STAT4: variants seen among roughly 807,000 people sequenced by gnomAD.
The protein encoded by STAT4 is signal transducer and activator of transcription 4.
STAT4 carries 42 observed loss-of-function variants against 110.5 expected under a neutral mutation model. That is an observed-to-expected ratio of 0.38 (90% CI 0.30 to 0.49). The LOEUF (loss-of-function observed/expected upper bound fraction) is 0.49, where lower values mean the gene tolerates loss of function less well. Among genes scored for constraint, STAT4 ranks in the 20% least tolerant of loss-of-function variants. The pLI, the probability that STAT4 is intolerant of heterozygous loss-of-function variation, is 0.95. For synonymous variants in STAT4, 284 were observed against 302.2 expected (o/e 0.94, Z 0.63); for missense variants, 632 against 887.9 (o/e 0.71, Z 3.66).
At position 191,131,495 on chromosome 2, in the gene STAT4, T is replaced by C. The variant is rs535255432; in HGVS notation, c.273+15118A>G. The C allele has an allele frequency of 2.1e-3, 413 of 195,262 alleles. 4 individuals carry two copies. Among genetic ancestry groups the C allele is most frequent in the Middle Eastern group, 0.011 (6 of 538 alleles). The allele number at this position is 195,262 out of a possible 1,614,324, so 12.1% of individuals were successfully genotyped here. On this transcript the variant is annotated intron_variant, in intron 3 of 23. Coordinates refer to ENST00000392320, the MANE Select transcript of STAT4 (RefSeq NM_003151.4). Reference sequence around the variant, plus strand: ...AATATAGTGTGATCTCACTCGTGGATTTAGCAGCTTTCAAACCTAGACACT... The same window carrying C: ...AATATAGTGTGATCTCACTCGTGGACTTAGCAGCTTTCAAACCTAGACACT...
At chr2:191,073,653 G>A (rs1697229414) in intron 4 of STAT4, among the ~76,000 whole-genome samples, 1 of 152,272 alleles carries the variant, frequency 6.6e-6, no homozygotes, top group South Asian at 2.1e-4. Context: ...TCGTGCCACT[G>A]CGCTCCAGCC....
chr2:191,087,093 C>A (rs1697654826), intron 3 of STAT4, among the ~76,000 whole-genome samples: 1 of 152,090 alleles, frequency 6.6e-6, no homozygotes, highest in Non-Finnish European at 1.5e-5. Flanking sequence ...AATATAGAAG[C>A]CTAACCCATC....
Position 191,058,330 on chromosome 2 carries a change from C to T in STAT4, c.1095-111G>A. 2 of 1,189,018 alleles carry T rather than the reference C, an allele frequency of 1.7e-6. No homozygotes were observed. The highest frequency in any genetic ancestry group is 2.4e-6 in the Non-Finnish European group (2 of 849,918). 73.7% of individuals were successfully genotyped at this position (1,189,018 alleles called of 1,614,324 possible). On this transcript the variant is annotated intron_variant, in intron 11 of 23. Coordinates refer to ENST00000392320, the MANE Select transcript of STAT4 (RefSeq NM_003151.4). The surrounding 1 kb of genome is among the most constrained non-coding windows in gnomAD (Gnocchi z 4.3). ...TTATTTATTTTGAGACAGAGTCTCG[C>T]TCTGTCGTCCAGGCTGGAGTGCAGT...
At chr2:191,067,607 T>A in intron 6 of STAT4, among the ~76,000 whole-genome samples, 1 of 152,154 alleles carries the variant, frequency 6.6e-6, no homozygotes, top group Non-Finnish European at 1.5e-5. Context: ...ATTTCCAATC[T>A]CCCTTTCCCT....
At position 191,116,052 on chromosome 2, in the gene STAT4, A is replaced by C. The variant is rs1250004130; in HGVS notation, c.273+30561T>G. ...TGAAATGAACATTATGACCACAGAA[A>C]AAACTTAGAATGTGTTGGATTGTCA... On this transcript the variant is annotated intron_variant, in intron 3 of 23. Transcript: ENST00000392320. This position sits in a 1 kb window ranked among gnomAD's most constrained non-coding sequence, Gnocchi z 4.1. 1.3e-5 allele frequency among the ~76,000 whole-genome samples: 2 copies of C among 152,184 alleles called. No individual in the cohort carries two copies. The highest frequency in any genetic ancestry group is 4.8e-5 in the African/African-American group (2 of 41,440).
chr2:191,057,339 A>C (rs1409676901), intron 13 of STAT4, among the ~76,000 whole-genome samples: 2 of 152,210 alleles, frequency 1.3e-5, no homozygotes, highest in African/African-American at 2.4e-5. Flanking sequence ...TGCGTATGAC[A>C]CAATTTCATT....
At chr2:191,087,246 T>C (rs1220959381) in intron 3 of STAT4, among the ~76,000 whole-genome samples, 1 of 152,326 alleles carries the variant, frequency 6.6e-6, no homozygotes, top group East Asian at 1.9e-4. Context: ...TTTCACTCCA[T>C]TGTCTGTCTC....
Position 191,142,806 on chromosome 2 carries a change from G to A in STAT4, c.273+3807C>T, listed in dbSNP as rs985410900. ...GAGTGAAAAGATCGGTAGTGTTCAG[G>A]GGCTCCGTGGGAAGCGAGAGAAGGA... On this transcript the variant is annotated intron_variant, in intron 3 of 23. Coordinates refer to ENST00000392320, the MANE Select transcript of STAT4 (RefSeq NM_003151.4). The surrounding 1 kb of genome is among the most constrained non-coding windows in gnomAD (Gnocchi z 4.1). Among the ~76,000 whole-genome samples the A allele has an allele frequency of 6.6e-6, 1 of 152,106 alleles. No individual in the cohort carries two copies. Among genetic ancestry groups the A allele is most frequent in the African/African-American group, 2.4e-5 (1 of 41,422 alleles).
intron 3 of STAT4, among the ~76,000 whole-genome samples, chr2:191,136,193 C>A (rs7566274): frequency 0.58 from 88,469 of 151,896 alleles, 26,321 homozygotes; most frequent in Admixed American, 0.65. Flanking sequence ...ATTCAATGTC[C>A]TTCATGACCA....
intron 5 of STAT4, among the ~76,000 whole-genome samples, chr2:191,070,337 G>A (rs905313465): frequency 1.3e-5 from 2 of 152,072 alleles, no homozygotes; most frequent in East Asian, 3.9e-4. Context: ...AATAGTAAAT[G>A]TCAAGATCTG....
chr2:191,065,588 C>T (rs1696966123), intron 7 of STAT4, among the ~76,000 whole-genome samples: 1 of 151,868 alleles, frequency 6.6e-6, no homozygotes, highest in Non-Finnish European at 1.5e-5. Flanking sequence ...AAATGTTATT[C>T]CTAAAGTAGA....
At chr2:191,128,973 C>T (rs975461205) in intron 3 of STAT4, among the ~76,000 whole-genome samples, 2 of 152,110 alleles carry the variant, frequency 1.3e-5, no homozygotes, top group Non-Finnish European at 2.9e-5. Flanking sequence ...TTTTACAGTA[C>T]CTCCTAACTG....
chr2:191,117,576 G>A lies in STAT4; in HGVS notation c.273+29037C>T, dbSNP rs1434451807. Among the ~76,000 whole-genome samples the A allele has an allele frequency of 6.6e-6, 1 of 152,174 alleles. No individual in the cohort carries two copies. Among genetic ancestry groups the A allele is most frequent in the Non-Finnish European group, 1.5e-5 (1 of 68,030 alleles). ...AAGTGCTGTGGGAGTGCAGAGGAGA[G>A]AAAACTCGATGTGGATTTTAATGAC... On this transcript the variant is annotated intron_variant, in intron 3 of 23. Transcript: ENST00000392320. The surrounding 1 kb of genome is among the most constrained non-coding windows in gnomAD (Gnocchi z 5.2).
intron 3 of STAT4, among the ~76,000 whole-genome samples, chr2:191,105,584 A>C (rs1461549268): frequency 6.6e-6 from 1 of 152,234 alleles, no homozygotes; most frequent in Non-Finnish European, 1.5e-5. Flanking sequence ...CAGCAAAAGC[A>C]TAAGTAGAAA....
chr2:191,081,130 TG>T (rs751339647), intron 3 of STAT4, among the ~76,000 whole-genome samples: 2 of 152,208 alleles, frequency 1.3e-5, no homozygotes, highest in Non-Finnish European at 2.9e-5. Context: ...CTGAGAACGA[TG>T]GCTTCCAGCT....
In STAT4 at chr2:191,058,923, T is replaced by C. The variant is rs551649004; in HGVS notation, c.1035-154A>G. Among the ~76,000 whole-genome samples the C allele has an allele frequency of 1.1e-4, 16 of 152,360 alleles. No homozygotes were observed. Among genetic ancestry groups the C allele is most frequent in the Non-Finnish European group, 1.9e-4 (13 of 68,030 alleles). On this transcript the variant is annotated intron_variant, in intron 10 of 23. Transcript: ENST00000392320. This position sits in a 1 kb window ranked among gnomAD's most constrained non-coding sequence, Gnocchi z 4.3. ...TATATGTTAGTGTGTTTTAAAAATGTATAATGCCTCTTTAGTTTGCCATGT... is the reference window on the plus strand; with the variant it reads ...TATATGTTAGTGTGTTTTAAAAATGCATAATGCCTCTTTAGTTTGCCATGT...
At chr2:191,072,335 T>C (rs1697187979) in intron 5 of STAT4, among the ~76,000 whole-genome samples, 1 of 152,202 alleles carries the variant, frequency 6.6e-6, no homozygotes, top group Non-Finnish European at 1.5e-5. Flanking sequence ...CCATTGGTTT[T>C]GACATTATAA....
chr2:191,034,039 T>C, intron 18 of STAT4, 34 bp from the exon 19 acceptor site: 2 of 1,373,838 alleles, frequency 1.5e-6, no homozygotes, highest in Non-Finnish European at 1.0e-6. Flanking sequence ...AAGACAATGA[T>C]TATTTAAGTA....
chr2:191,071,179 A>G (rs958201281), intron 5 of STAT4, among the ~76,000 whole-genome samples: 18 of 152,196 alleles, frequency 1.2e-4, no homozygotes, highest in African/African-American at 4.1e-4. Flanking sequence ...TGCAAAGTAA[A>G]CTATTTCCAT....
Sources: allele counts gnomAD v4.1 joint callset (sites outside exome capture counted in the v4.1 genomes callset), GRCh38; gene constraint gnomAD v4.1.1; non-coding constraint Gnocchi (gnomAD v3.1); transcripts MANE v1.5; gene names NCBI Gene and HGNC (gene_info 2026-07-23, HGNC 2026-07-21).